The following CAMSAP3 variants were observed in gnomAD, a reference collection of about 807,000 sequenced individuals.
CAMSAP3 encodes the protein calmodulin-regulated spectrin-associated protein 3.
In CAMSAP3, 34 loss-of-function variants were observed where a neutral mutation model predicts 112.5. The observed-to-expected ratio is 0.30, with a 90% CI of 0.23 to 0.40. The LOEUF (loss-of-function observed/expected upper bound fraction) is 0.40, where lower values mean the gene tolerates loss of function less well. Among genes scored for constraint, CAMSAP3 ranks in the 10% least tolerant of loss-of-function variants. The probability of loss-of-function intolerance (pLI) is 1.00; values close to 1 mark genes in which losing one functional copy is unlikely to be tolerated. For synonymous variants in CAMSAP3, 868 were observed against 799.8 expected (o/e 1.09, Z -1.44); for missense variants, 1,602 against 1,770.3 (o/e 0.90, Z 1.71).
Position 7,617,765 on chromosome 19 carries a change from G to A in CAMSAP3, c.3458G>A (p.Ser1153Asn). 1 of 1,612,100 alleles carries A rather than the reference G, an allele frequency of 6.2e-7. No individual in the cohort carries two copies. The highest frequency in any genetic ancestry group is 1.1e-5 in the South Asian group (1 of 91,066). Residue 1153 changes from serine (S) to asparagine (N), a missense_variant, in exon 17 of 17, where the codon AGC (serine) becomes AAC (asparagine). By Grantham distance (46) the Ser-to-Asn change is conservative. Transcript: ENST00000160298. The surrounding 1 kb of genome is among the most constrained non-coding windows in gnomAD (Gnocchi z 7.5). ...KNRILEEIEK[S>N]KANHFLILFR... The stretch of plus-strand genomic sequence containing the variant: ...ACTCCTGCCCAGGAAATTGAGAAAA[G>A]CAAGGCCAACCACTTCCTGATCCTC...
intron 11 of CAMSAP3, 61 bp downstream of exon 11, chr19:7,613,224 G>A: frequency 1.2e-6 from 1 of 832,834 alleles, no homozygotes; most frequent in East Asian, 9.0e-5. Context: ...GGTGGGGGCG[G>A]GGGGAGGTGG....
chr19:7,603,247 C>T (rs1488408124), intron 1 of CAMSAP3, among the ~76,000 whole-genome samples: 2 of 148,380 alleles, frequency 1.3e-5, no homozygotes, highest in Non-Finnish European at 3.0e-5. Flanking sequence ...CAGAGGCTTG[C>T]TCTATCACCC....
chr19:7,606,318 C>G lies in CAMSAP3; in HGVS notation c.450C>G (p.Phe150Leu), dbSNP rs1360857162. Residue 150 changes from phenylalanine to leucine, a missense_variant, in exon 3 of 17, where the codon TTC becomes TTG. Physicochemically the swap from Phe to Leu is conservative, Grantham distance 22. Around this residue, in one of 6 missense-constraint regions of CAMSAP3, gnomAD observed 35 missense variants for 79.8 expected, o/e 0.44. Coordinates refer to ENST00000160298, the MANE Select transcript of CAMSAP3 (RefSeq NM_020902.2). ...ATGCCCTCATGGCTGCCTTTGCCTT[C>G]GAGTGGACAAAGACCCTGCCAGGTC... ...VIDALMAAFA[F>L]EWTKTLPGPL... 2 of 1,613,858 alleles carry G rather than the reference C, an allele frequency of 1.2e-6. No individual in the cohort carries two copies. Among genetic ancestry groups the G allele is most frequent in the Non-Finnish European group, 8.5e-7 (1 of 1,180,008 alleles).
chr19:7,596,301 C>G, intron 1 of CAMSAP3, 151 bp downstream of exon 1: 1 of 237,224 alleles, frequency 4.2e-6, no homozygotes. Flanking sequence ...CCTGCCGCGC[C>G]GGGGCCTCCG....
chr19:7,603,499 G>A (rs1450099785), intron 1 of CAMSAP3, among the ~76,000 whole-genome samples: 2 of 152,002 alleles, frequency 1.3e-5, no homozygotes, highest in Non-Finnish European at 2.9e-5. Flanking sequence ...ACAGGCATGA[G>A]TCACTGCACC....
At chr19:7,616,843 G>A (rs775902898) in intron 14 of CAMSAP3, among the ~76,000 whole-genome samples, 3 of 151,266 alleles carry the variant, frequency 2.0e-5, no homozygotes, top group Non-Finnish European at 4.4e-5. Flanking sequence ...AGTGCCAGGT[G>A]TTCCTGTGGG....
At position 7,607,617 on chromosome 19, in the gene CAMSAP3, C is replaced by T. The variant is rs2030283179; in HGVS notation, c.622-509C>T. ...GGTCTTTTGTGGGAGGAGGATTCCC[C>T]GCATAAGAGGGGGTTCCTACTCTGT... On this transcript the variant is annotated intron_variant, in intron 4 of 16. Transcript: ENST00000160298. This position sits in a 1 kb window ranked among gnomAD's most constrained non-coding sequence, Gnocchi z 4.9. Among the ~76,000 whole-genome samples the T allele has an allele frequency of 1.3e-5, 2 of 152,110 alleles. No homozygotes were observed. The highest frequency in any genetic ancestry group is 2.9e-5 in the Non-Finnish European group (2 of 68,010).
chr19:7,604,114 G>A (rs62113418), intron 1 of CAMSAP3, among the ~76,000 whole-genome samples: 16,614 of 152,186 alleles, frequency 0.11, 1,084 homozygotes, highest in Non-Finnish European at 0.15. Flanking sequence ...CAGCCTGGGC[G>A]ACAGAGAGAC....
In CAMSAP3 at chr19:7,611,689, G is replaced by C; in HGVS notation, c.1196G>C (p.Arg399Pro). The change falls in exon 11 of 17, where the codon CGT becomes CCT. Residue 399 changes from arginine (R) to proline (P), a missense_variant and splice_region_variant. Around this residue, in one of 6 missense-constraint regions of CAMSAP3, gnomAD observed 1,100 missense variants for 1,135.7 expected, o/e 0.97. Coordinates refer to ENST00000160298, the MANE Select transcript of CAMSAP3 (RefSeq NM_020902.2). This position sits in a 1 kb window ranked among gnomAD's most constrained non-coding sequence, Gnocchi z 6.9. Reference sequence around the variant, plus strand: ...GACCCCTCCCTCCGGCCGCCCAGCCGTCCCCTCTCCCAGGCTGTGTCATTC... The same window carrying C: ...GACCCCTCCCTCCGGCCGCCCAGCCCTCCCCTCTCCCAGGCTGTGTCATTC... ...LGKAWNRQLS[R>P]PLSQAVSFST... 1 of 1,561,802 alleles carries C rather than the reference G, an allele frequency of 6.4e-7. No homozygotes were observed. Among genetic ancestry groups the C allele is most frequent in the Non-Finnish European group, 8.7e-7 (1 of 1,151,046 alleles).
intron 1 of CAMSAP3, 99 bp downstream of exon 1, chr19:7,596,249 G>C: frequency 1.6e-6 from 1 of 629,266 alleles, no homozygotes; most frequent in African/African-American, 2.0e-5. Context: ...GGGGGCCGTG[G>C]GAACAATAGC....
rs1025689492 is a variant in CAMSAP3, at chr19:7,595,877, A to G, written c.-126A>G. ...CGCAAGCGGCCGCACCTGGCTCAGC[A>G]GCGGCGGCGGCGGCGGCGGCGGCAG... On this transcript the variant is annotated 5_prime_UTR_variant, in exon 1 of 17. Coordinates refer to ENST00000160298, the MANE Select transcript of CAMSAP3 (RefSeq NM_020902.2). 30 of 280,070 alleles carry G rather than the reference A, an allele frequency of 1.1e-4. No homozygotes were observed. The highest frequency in any genetic ancestry group is 5.4e-4 in the Admixed American group (8 of 14,926). 17.3% of individuals were successfully genotyped at this position (280,070 alleles called of 1,614,324 possible). A position where few individuals can be genotyped will look rare whatever the true frequency, so the allele number is the denominator to read the frequency against.
chr19:7,614,769 C>CT (rs1272467042), intron 11 of CAMSAP3: 2 of 225,726 alleles, frequency 8.9e-6, no homozygotes, highest in East Asian at 2.5e-4. Flanking sequence ...GCTGTCCCCT[C>CT]TGCCTGGAAC....
At chr19:7,616,944 T>TG (rs1169651160) in intron 14 of CAMSAP3, among the ~76,000 whole-genome samples, 20 of 127,352 alleles carry the variant, frequency 1.6e-4, no homozygotes, top group East Asian at 4.4e-4. Context: ...CTTTTTTTTT[T>TG]TTTTTTTTTT....
In CAMSAP3 at chr19:7,616,634, C is replaced by G; in HGVS notation, c.3212+12C>G. The stretch of plus-strand genomic sequence containing the variant: ...AGGCCCACGTCTCGGTGAGTTTAGC[C>G]CGCACAGGCGGGGTTCGTATGCCGG... On this transcript the variant is annotated intron_variant, in intron 14 of 16. Transcript: ENST00000160298. The G allele has an allele frequency of 2.5e-6, 4 of 1,594,006 alleles. No individual in the cohort carries two copies. Among genetic ancestry groups the G allele is most frequent in the Non-Finnish European group, 3.4e-6 (4 of 1,170,506 alleles).
chr19:7,616,948 T>TTTTTTTG (rs1555763679), intron 14 of CAMSAP3, among the ~76,000 whole-genome samples: 2 of 113,286 alleles, frequency 1.8e-5, no homozygotes, highest in African/African-American at 5.9e-5. Flanking sequence ...TTTTTTTTTT[T>TTTTTTTG]TTTTTTTTTT....
rs1041116512 is a variant in CAMSAP3 at position 7,615,670 on chromosome 19, T to G, written c.3063T>G (p.Gly1021=). The G allele has an allele frequency of 1.1e-4, 150 of 1,426,512 alleles. 2 individuals are homozygous for G. In the East Asian group the frequency reaches 2.9e-3, roughly 28 times the overall value. 88.4% of individuals were successfully genotyped at this position (1,426,512 alleles called of 1,614,324 possible). A position where few individuals can be genotyped will look rare whatever the true frequency, so the allele number is the denominator to read the frequency against. Residue 1021 remains glycine, a synonymous_variant, in exon 13 of 17, where the codon GGT becomes GGG. Transcript: ENST00000160298. This position sits in a 1 kb window ranked among gnomAD's most constrained non-coding sequence, Gnocchi z 6.5. ...GGAGGGCCACCCGGCCTCGCTCGGGTTGCTGTGACGACTCAGCCCTGGCAC... is the reference window on the plus strand; with the variant it reads ...GGAGGGCCACCCGGCCTCGCTCGGGGTGCTGTGACGACTCAGCCCTGGCAC... The part of the protein sequence containing the change: ...GGRRATRPRS[G]CCDDSALARS...
At chr19:7,608,042 C>A in intron 4 of CAMSAP3, 84 bp from the exon 5 acceptor site, 2 of 1,531,462 alleles carry the variant, frequency 1.3e-6, no homozygotes, top group South Asian at 1.2e-5. Flanking sequence ...ATGGCGGAAA[C>A]CCCAGGCCTC....
At chr19:7,605,037 C>T (rs2030132859) in intron 1 of CAMSAP3, among the ~76,000 whole-genome samples, 189 bp from the exon 2 acceptor site, 1 of 152,098 alleles carries the variant, frequency 6.6e-6, no homozygotes, top group Non-Finnish European at 1.5e-5. Flanking sequence ...AACGCCATCA[C>T]CCCTTCCTCC....
At chr19:7,606,156 A>ACCCCCCCCCCCCCCCCCCCCAC in intron 2 of CAMSAP3, 115 bp from the exon 3 acceptor site, 1 of 224,848 alleles carries the variant, frequency 4.4e-6, no homozygotes, top group Non-Finnish European at 8.5e-6. Flanking sequence ...CTCAAGCCCC[A>ACCCCCCCCCCCCCCCCCCCCAC]CCCCCCCCGT....
Sources: allele counts gnomAD v4.1 joint callset (sites outside exome capture counted in the v4.1 genomes callset), GRCh38; gene constraint gnomAD v4.1.1; regional missense constraint gnomAD v4.1.1; non-coding constraint Gnocchi (gnomAD v3.1); transcripts MANE v1.5; gene names NCBI Gene and HGNC (gene_info 2026-07-23, HGNC 2026-07-21).